Variants in FRMPD4 observed in about 807,000 individuals in gnomAD.
FRMPD4 encodes the protein FERM and PDZ domain containing 4.
A neutral mutation model predicts 94.1 loss-of-function variants in FRMPD4; 22 were observed. The ratio of observed to expected loss-of-function variants is 0.23; its 90% CI spans 0.17 to 0.33. FRMPD4 has a LOEUF of 0.33. Ranked by LOEUF, FRMPD4 falls within the 10% of genes least tolerant of loss-of-function variation. FRMPD4 has a pLI of 1.00. For synonymous variants in FRMPD4, 631 were observed against 548.6 expected (o/e 1.15, Z -2.10); for missense variants, 1,111 against 1,339.9 (o/e 0.83, Z 2.67).
chrX:12,646,194 T>C (rs10521627), intron 4 of FRMPD4, among the ~76,000 whole-genome samples: 12,506 of 111,680 alleles, frequency 0.11, 700 homozygotes, highest in African/African-American at 0.21. Context: ...TAATGTTTCA[T>C]GTAGTAATTG....
At chrX:12,294,893 C>T in intron 1 of FRMPD4, among the ~76,000 whole-genome samples, 1 of 111,662 alleles carries the variant, frequency 9.0e-6, no homozygotes, top group Non-Finnish European at 1.9e-5. Context: ...AATTTGCCTC[C>T]CAAGGATGGA....
intron 2 of FRMPD4, among the ~76,000 whole-genome samples, chrX:12,504,967 A>C (rs2057964450): frequency 8.9e-6 from 1 of 111,882 alleles, no homozygotes. Flanking sequence ...ACTACAACAG[A>C]GTTGGGGCAT....
At chrX:12,193,949 C>T (rs975736397) in intron 1 of FRMPD4, among the ~76,000 whole-genome samples, 27 of 108,134 alleles carry the variant, frequency 2.5e-4, no homozygotes, top group South Asian at 8.2e-4. Flanking sequence ...TTTTGAGGTC[C>T]GTGAATTACT....
chrX:12,317,585 C>CAAAAAAAAAAAAAAAAAAAAAAAAAAAA (rs376884335), intron 1 of FRMPD4, among the ~76,000 whole-genome samples: 3 of 42,447 alleles, frequency 7.1e-5, no homozygotes, highest in African/African-American at 2.5e-4. Context: ...AACTAAATAG[C>CAAAAAAAAAAAAAAAAAAAAAAAAAAAA]AAAAAAAAAA....
intron 2 of FRMPD4, among the ~76,000 whole-genome samples, chrX:12,513,806 G>A: frequency 8.9e-6 from 1 of 111,801 alleles, no homozygotes; most frequent in Admixed American, 9.5e-5. Flanking sequence ...ATTACTTCGG[G>A]CAGTATGGCC....
intron 1 of FRMPD4, among the ~76,000 whole-genome samples, chrX:12,228,798 A>G (rs996966261): frequency 2.7e-5 from 3 of 112,217 alleles, no homozygotes; most frequent in Non-Finnish European, 5.6e-5. Flanking sequence ...TCAGGACACA[A>G]GGTAGGTGAC....
intron 2 of FRMPD4, among the ~76,000 whole-genome samples, chrX:12,552,372 A>C (rs1328588293): frequency 8.9e-6 from 1 of 111,815 alleles, no homozygotes. Flanking sequence ...CATTGATCTT[A>C]CATCTGTATC....
chrX:12,230,927 CTATA>C (rs2056980371), intron 1 of FRMPD4, among the ~76,000 whole-genome samples: 1 of 74,091 alleles, frequency 1.3e-5, no homozygotes, highest in East Asian at 3.9e-4. Flanking sequence ...TACTATATTA[CTATA>C]TATACTATAT....
chrX:12,577,554 G>T (rs761290363), intron 2 of FRMPD4, among the ~76,000 whole-genome samples: 28 of 110,878 alleles, frequency 2.5e-4, no homozygotes, highest in Non-Finnish European at 4.2e-4. Context: ...TGATAGGAAG[G>T]GTGAGGAAGA....
At chrX:12,349,412 G>A (rs5979607) in intron 1 of FRMPD4, among the ~76,000 whole-genome samples, 1,813 of 109,811 alleles carry the variant, frequency 0.017, 45 homozygotes, top group African/African-American at 0.057. Context: ...TTAGTAAGGC[G>A]CCCTCTGGAG....
intron 3 of FRMPD4, among the ~76,000 whole-genome samples, chrX:12,040,819 G>A (rs766462754): frequency 8.1e-5 from 9 of 110,458 alleles, no homozygotes; most frequent in East Asian, 5.7e-4. Flanking sequence ...GTGAGCCACC[G>A]CACCTGGCTT....
At chrX:12,332,190 TTATATATA>T (rs1173963808) in intron 1 of FRMPD4, among the ~76,000 whole-genome samples, 2 of 63,459 alleles carry the variant, frequency 3.2e-5, no homozygotes, top group East Asian at 4.2e-4. Context: ...AATTTATATT[TTATATATA>T]TATATATATA....
intron 1 of FRMPD4, among the ~76,000 whole-genome samples, chrX:12,275,793 C>T (rs933928297): frequency 2.7e-5 from 3 of 110,754 alleles, no homozygotes; most frequent in African/African-American, 9.9e-5. Flanking sequence ...TGGGAGTGAC[C>T]GGACCTTTGA....
intron 3 of FRMPD4, among the ~76,000 whole-genome samples, chrX:11,882,091 A>T (rs554618092): frequency 1.8e-5 from 2 of 112,043 alleles, no homozygotes; most frequent in Admixed American, 9.5e-5. Flanking sequence ...TATAAAAAAA[A>T]GTTTGAAAAG....
At chrX:12,506,028 G>A (rs926570771) in intron 2 of FRMPD4, among the ~76,000 whole-genome samples, 3 of 111,768 alleles carry the variant, frequency 2.7e-5, no homozygotes, top group African/African-American at 6.5e-5. Context: ...ATGCCCTCCG[G>A]CTGCTCCATA....
intron 1 of FRMPD4, among the ~76,000 whole-genome samples, chrX:12,484,437 G>A (rs897820782): frequency 8.9e-6 from 1 of 112,177 alleles, no homozygotes; most frequent in Admixed American, 9.4e-5. Flanking sequence ...GATTGGTTGT[G>A]CTAATATCAA....
chrX:11,895,663 A>C (rs1429237960), intron 3 of FRMPD4, among the ~76,000 whole-genome samples: 2 of 111,814 alleles, frequency 1.8e-5, no homozygotes, highest in African/African-American at 6.5e-5. Context: ...GAGAAGATAA[A>C]CTGTTGTAAC....
At chrX:11,959,880 G>C (rs1296670571) in intron 3 of FRMPD4, among the ~76,000 whole-genome samples, 1 of 111,379 alleles carries the variant, frequency 9.0e-6, no homozygotes, top group East Asian at 2.8e-4. Flanking sequence ...GCCCTTAGTT[G>C]ACATATGCTC....
At chrX:12,410,964 T>G (rs1228392646) in intron 1 of FRMPD4, among the ~76,000 whole-genome samples, 2 of 112,050 alleles carry the variant, frequency 1.8e-5, no homozygotes, top group African/African-American at 6.5e-5. Flanking sequence ...ATAGAATTGT[T>G]AAGGTATTCC....
Sources: gnomAD v4.1 joint callset for allele counts (sites outside exome capture counted in the v4.1 genomes callset) on GRCh38, gnomAD v4.1.1 for gene constraint, MANE v1.5 for transcripts, NCBI Gene and HGNC (gene_info 2026-07-23, HGNC 2026-07-21) for gene names.